The following ATXN10 variants were observed in gnomAD, a reference collection of about 807,000 sequenced individuals.
ATXN10 encodes ataxin 10.
In ATXN10, 28 loss-of-function variants were observed where a neutral mutation model predicts 52.9. The observed-to-expected ratio is 0.53, with a 90% confidence interval of 0.39 to 0.73. The LOEUF (loss-of-function observed/expected upper bound fraction) is 0.73. Among genes scored for constraint, ATXN10 ranks in the 30% least tolerant of loss-of-function variants. The pLI is 0.00. For synonymous variants in ATXN10, 226 were observed against 221.5 expected (o/e 1.02, Z -0.18); for missense variants, 565 against 577.0 (o/e 0.98, Z 0.21).
At chr22:45,771,485 T>C (rs1428862659) in intron 9 of ATXN10, among the ~76,000 whole-genome samples, 1 of 151,420 alleles carries the variant, frequency 6.6e-6, no homozygotes, top group East Asian at 1.9e-4. Flanking sequence ...GATGTGATCT[T>C]GGCTCACTAC....
At chr22:45,739,130 A>G (rs1037367381) in intron 8 of ATXN10, among the ~76,000 whole-genome samples, 2 of 152,166 alleles carry the variant, frequency 1.3e-5, no homozygotes, top group Non-Finnish European at 2.9e-5. Context: ...ATAGGATGTG[A>G]TGAAGAAGGT....
rs545752963 is a variant in ATXN10, at chr22:45,795,114, A to T, written c.1174-11845A>T. Among the ~76,000 whole-genome samples, 1 of 152,298 alleles carries T rather than the reference A, an allele frequency of 6.6e-6. No homozygotes were observed. Among genetic ancestry groups the T allele is most frequent in the South Asian group, 2.1e-4 (1 of 4,830 alleles). ...GTAGATAGACTGCAACAAGGTAAAG[A>T]TGTATACTCTAAACTCCAGTGCAAC... is the stretch of plus-strand genomic sequence containing the variant. On this transcript the variant is annotated intron_variant, in intron 9 of 11. Transcript: ENST00000252934. This position sits in a 1 kb window ranked among gnomAD's most constrained non-coding sequence, Gnocchi z 4.6.
chr22:45,684,028 C>G lies in ATXN10; in HGVS notation c.117-5684C>G. On this transcript the variant is annotated intron_variant, in intron 1 of 11. Coordinates refer to ENST00000252934, the MANE Select transcript of ATXN10 (RefSeq NM_013236.4). The surrounding 1 kb of genome is among the most constrained non-coding windows in gnomAD (Gnocchi z 4.1). ...GTGCAGTGTTGTGATCATAGCTCAC[C>G]ATAGCCTTGAACTCCTGGGTTCAAG... Among the ~76,000 whole-genome samples the G allele has an allele frequency of 6.6e-6, 1 of 152,128 alleles. No individual in the cohort carries two copies. The highest frequency in any genetic ancestry group is 2.1e-4 in the South Asian group (1 of 4,828).
intron 9 of ATXN10, among the ~76,000 whole-genome samples, chr22:45,746,235 G>A (rs1051330577): frequency 6.7e-6 from 1 of 150,358 alleles, no homozygotes; most frequent in African/African-American, 2.5e-5. Flanking sequence ...TTTTTAGTGG[G>A]TTTTTTGGTG....
At chr22:45,740,615 T>C (rs1925475282) in intron 9 of ATXN10, 77 bp downstream of exon 9, 3 of 1,441,504 alleles carry the variant, frequency 2.1e-6, no homozygotes, top group East Asian at 4.6e-5. Flanking sequence ...ATTCACTCTT[T>C]TGGAGTGAAA....
Position 45,835,036 on chromosome 22 carries a change from G to A in ATXN10, c.1238-7955G>A, listed in dbSNP as rs1929120821. Among the ~76,000 whole-genome samples the A allele has an allele frequency of 6.6e-6, 1 of 152,234 alleles. No individual in the cohort carries two copies. Among genetic ancestry groups the A allele is most frequent in the South Asian group, 2.1e-4 (1 of 4,838 alleles). The stretch of plus-strand genomic sequence containing the variant: ...TCGTACCACGCTTTGCTTTGAAGTG[G>A]TCAGTAAAATGATTCCAGAGCATGT... On this transcript the variant is annotated intron_variant, in intron 10 of 11. Transcript: ENST00000252934. This position sits in a 1 kb window ranked among gnomAD's most constrained non-coding sequence, Gnocchi z 5.0.
intron 10 of ATXN10, among the ~76,000 whole-genome samples, chr22:45,807,472 C>T (rs1192564703): frequency 6.6e-6 from 1 of 152,212 alleles, no homozygotes; most frequent in East Asian, 1.9e-4. Flanking sequence ...AGCACTCTGG[C>T]TCCCTAGCAA....
intron 9 of ATXN10, among the ~76,000 whole-genome samples, chr22:45,777,400 G>C (rs541446931): frequency 2.0e-5 from 3 of 152,322 alleles, no homozygotes; most frequent in African/African-American, 7.2e-5. Flanking sequence ...TACCAGGTAT[G>C]TGTTTTTTAC....
chr22:45,802,209 C>A (rs1391313701), intron 9 of ATXN10, among the ~76,000 whole-genome samples: 1 of 152,172 alleles, frequency 6.6e-6, no homozygotes, highest in Non-Finnish European at 1.5e-5. Flanking sequence ...GATGCACTAC[C>A]ACGGGAAAGT....
At chr22:45,737,894 G>T (rs1250159688) in intron 7 of ATXN10, among the ~76,000 whole-genome samples, 1 of 151,692 alleles carries the variant, frequency 6.6e-6, no homozygotes, top group Non-Finnish European at 1.5e-5. Flanking sequence ...CTAGAGACGG[G>T]ATTTCACCAT....
Position 45,701,053 on chromosome 22 carries a change from A to T in ATXN10, c.488+675A>T, listed in dbSNP as rs1246017310. 6.6e-5 allele frequency among the ~76,000 whole-genome samples: 10 copies of T among 152,208 alleles called. No individual in the cohort carries two copies. ...AGCAGGGAATAGAGTCAGTATACCT[A>T]GTAGGAAAGGCACAGTCTGGGAGTG... On this transcript the variant is annotated intron_variant, in intron 4 of 11. Transcript: ENST00000252934. The surrounding 1 kb of genome is among the most constrained non-coding windows in gnomAD (Gnocchi z 4.2).
At chr22:45,822,561 T>G (rs9614789) in intron 10 of ATXN10, among the ~76,000 whole-genome samples, 1 of 140,128 alleles carries the variant, frequency 7.1e-6, no homozygotes, top group Non-Finnish European at 1.5e-5. Context: ...GATGGAGTCT[T>G]GCTCTGTCAC....
At position 45,842,788 on chromosome 22, in the gene ATXN10, G is replaced by A. The variant is rs897170985; in HGVS notation, c.1238-203G>A. 6.6e-6 allele frequency among the ~76,000 whole-genome samples: 1 copy of A among 152,196 alleles called. No individual in the cohort carries two copies. Among genetic ancestry groups the A allele is most frequent in the Admixed American group, 6.5e-5 (1 of 15,284 alleles). On this transcript the variant is annotated intron_variant, in intron 10 of 11. Coordinates refer to ENST00000252934, the MANE Select transcript of ATXN10 (RefSeq NM_013236.4). This position sits in a 1 kb window ranked among gnomAD's most constrained non-coding sequence, Gnocchi z 4.8. ...TGGACATCACACACACATGCTGGAT[G>A]TACATGTGCATATGCCTGCGTTGCC...
Position 45,816,629 on chromosome 22 carries a change from G to A in ATXN10, c.1237+9607G>A, listed in dbSNP as rs2146895111. On this transcript the variant is annotated intron_variant, in intron 10 of 11. Coordinates refer to ENST00000252934, the MANE Select transcript of ATXN10 (RefSeq NM_013236.4). This position sits in a 1 kb window ranked among gnomAD's most constrained non-coding sequence, Gnocchi z 5.8. The stretch of plus-strand genomic sequence containing the variant: ...CCAACATTGGACCCTGTGAACCCAG[G>A]GGACTGTTTCCAAAATGTGCTCCAA... Among the ~76,000 whole-genome samples the A allele has an allele frequency of 6.6e-6, 1 of 152,300 alleles. No individual in the cohort carries two copies. The highest frequency in any genetic ancestry group is 1.9e-4 in the East Asian group (1 of 5,184).
At chr22:45,776,353 C>T (rs542372839) in intron 9 of ATXN10, among the ~76,000 whole-genome samples, 17 of 152,216 alleles carry the variant, frequency 1.1e-4, no homozygotes, top group South Asian at 1.0e-3. Flanking sequence ...GTGTTTAAAA[C>T]GAAGATGATC....
chr22:45,727,341 A>ATCTC lies in ATXN10; in HGVS notation c.729-2081_729-2080insCTCT, dbSNP rs1039043175. On this transcript the variant is annotated intron_variant, in intron 6 of 11. Transcript: ENST00000252934. The surrounding 1 kb of genome is among the most constrained non-coding windows in gnomAD (Gnocchi z 4.6). ...TCTGTCTATCTATCTATATCTATCT[A>ATCTC]TCTATCTATCTATCTATCTATCTAT... Among the ~76,000 whole-genome samples the ATCTC allele has an allele frequency of 3.3e-5, 5 of 151,332 alleles. No individual in the cohort carries two copies. Among genetic ancestry groups the ATCTC allele is most frequent in the African/African-American group, 9.7e-5 (4 of 41,154 alleles).
rs990378166 is a variant in ATXN10, at chr22:45,825,078, C to T, written c.1238-17913C>T. On this transcript the variant is annotated intron_variant, in intron 10 of 11. Coordinates refer to ENST00000252934, the MANE Select transcript of ATXN10 (RefSeq NM_013236.4). This position sits in a 1 kb window ranked among gnomAD's most constrained non-coding sequence, Gnocchi z 4.5. Reference sequence around the variant, plus strand: ...TCCTATGGCAGACAGCTGCTGTACACTGTTCCTAGAGCATCTTGCAAGCAG... The same window carrying T: ...TCCTATGGCAGACAGCTGCTGTACATTGTTCCTAGAGCATCTTGCAAGCAG... 1.3e-5 allele frequency among the ~76,000 whole-genome samples: 2 copies of T among 152,234 alleles called. No homozygotes were observed. The highest frequency in any genetic ancestry group is 4.8e-5 in the African/African-American group (2 of 41,464).
In ATXN10 at chr22:45,841,451, C is replaced by G. The variant is rs1275711492; in HGVS notation, c.1238-1540C>G. Among the ~76,000 whole-genome samples, 4 of 152,180 alleles carry G rather than the reference C, an allele frequency of 2.6e-5. No homozygotes were observed. The highest frequency in any genetic ancestry group is 5.9e-5 in the Non-Finnish European group (4 of 68,038). On this transcript the variant is annotated intron_variant, in intron 10 of 11. Coordinates refer to ENST00000252934, the MANE Select transcript of ATXN10 (RefSeq NM_013236.4). This position sits in a 1 kb window ranked among gnomAD's most constrained non-coding sequence, Gnocchi z 5.1. ...TTTGTGCCAGGCTCCATGTTGAGGC[C>G]CAAGGCCCCAGGAACACACGACCAC...
chr22:45,813,128 G>A (rs1416956066), intron 10 of ATXN10, among the ~76,000 whole-genome samples: 1 of 152,282 alleles, frequency 6.6e-6, no homozygotes, highest in South Asian at 2.1e-4. Context: ...TCACTTTTGG[G>A]TCACCCACAG....
Sources: gnomAD v4.1 joint callset for allele counts (sites outside exome capture counted in the v4.1 genomes callset) on GRCh38, gnomAD v4.1.1 for gene constraint, Gnocchi (gnomAD v3.1) non-coding constraint, MANE v1.5 for transcripts, NCBI Gene and HGNC (gene_info 2026-07-23, HGNC 2026-07-21) for gene names.